The following STX11 variants were observed in gnomAD, a reference collection of about 807,000 sequenced individuals.
STX11 encodes the protein syntaxin-11.
Under a neutral mutation model 19.9 loss-of-function variants are expected in STX11, and 21 were observed. That is an observed-to-expected ratio of 1.06 (90% CI 0.75 to 1.52). STX11 has a LOEUF of 1.52. Among genes scored for constraint, STX11 ranks in the 40% most tolerant of loss-of-function variants. The pLI is 0.00. For missense variants in STX11, 438 were observed against 405.9 expected, an observed-to-expected ratio of 1.08 and a Z score of -0.68; for synonymous variants, 193 against 174.4, an observed-to-expected ratio of 1.11 and a Z score of -0.84.
Position 144,175,636 on chromosome 6 carries a change from A to G in STX11, c.-5-10987A>G, listed in dbSNP as rs530287576. 1.3e-5 allele frequency among the ~76,000 whole-genome samples: 2 copies of G among 152,312 alleles called. No homozygotes were observed. The highest frequency in any genetic ancestry group is 2.1e-4 in the South Asian group (1 of 4,830). On this transcript the variant is annotated intron_variant, in intron 1 of 1. Coordinates refer to ENST00000367568, the MANE Select transcript of STX11 (RefSeq NM_003764.4). The surrounding 1 kb of genome is among the most constrained non-coding windows in gnomAD (Gnocchi z 5.1). The stretch of plus-strand genomic sequence containing the variant: ...TAACACTCTTTTAATCATTATTTGT[A>G]TGTGAATACAATGAGCCTCTCTTTC...
intron 1 of STX11, among the ~76,000 whole-genome samples, chr6:144,179,411 T>C (rs1801851554): frequency 1.3e-5 from 2 of 152,176 alleles, no homozygotes; most frequent in Non-Finnish European, 2.9e-5. Context: ...TTGAGTGAAA[T>C]TATTGTTTAT....
chr6:144,150,015 T>C (rs886181107), upstream of STX11, among the ~76,000 whole-genome samples: 4 of 145,968 alleles, frequency 2.7e-5, no homozygotes, highest in Non-Finnish European at 5.9e-5. Context: ...TGGAGAGAGG[T>C]TGGTCGGCAG....
chr6:144,146,158 G>A (rs1208959195), upstream of STX11, among the ~76,000 whole-genome samples: 3 of 152,180 alleles, frequency 2.0e-5, no homozygotes, highest in Non-Finnish European at 2.9e-5. The surrounding 1 kb of genome is among the most constrained non-coding windows in gnomAD (Gnocchi z 4.4). Flanking sequence ...TTCCAACCCT[G>A]GGATTCAATG....
At chr6:144,149,849 A>C (rs535772872), upstream of STX11, among the ~76,000 whole-genome samples, 3 of 152,252 alleles carry the variant, frequency 2.0e-5, no homozygotes, top group South Asian at 4.1e-4. This position sits in a 1 kb window ranked among gnomAD's most constrained non-coding sequence, Gnocchi z 5.1. Context: ...CTTTACCACC[A>C]CCTGGCACAA....
chr6:144,181,953 AGTTG>A (rs1481394498), intron 1 of STX11, among the ~76,000 whole-genome samples: 1 of 152,228 alleles, frequency 6.6e-6, no homozygotes, highest in Non-Finnish European at 1.5e-5. Flanking sequence ...GATTTTTGGT[AGTTG>A]GTTGTCAATT....
At chr6:144,173,511 A>G (rs1450900896) in intron 1 of STX11, among the ~76,000 whole-genome samples, 3 of 152,170 alleles carry the variant, frequency 2.0e-5, no homozygotes, top group Admixed American at 2.0e-4. Context: ...TTATTTTCCT[A>G]TCTTGTGAGT....
chr6:144,152,378 G>A lies in STX11; in HGVS notation c.-6+1675G>A, dbSNP rs1159194609. Among the ~76,000 whole-genome samples, 1 of 152,178 alleles carries A rather than the reference G, an allele frequency of 6.6e-6. No individual in the cohort carries two copies. Among genetic ancestry groups the A allele is most frequent in the Non-Finnish European group, 1.5e-5 (1 of 68,028 alleles). On this transcript the variant is annotated intron_variant, in intron 1 of 1. Coordinates refer to ENST00000367568, the MANE Select transcript of STX11 (RefSeq NM_003764.4). The surrounding 1 kb of genome is among the most constrained non-coding windows in gnomAD (Gnocchi z 4.9). ...ATTTGGAATGGACTGGGTCATGGCT[G>A]GAAGAGCAAGGAAACTTTTGAGTTT... is the stretch of plus-strand genomic sequence containing the variant.
intron 1 of STX11, among the ~76,000 whole-genome samples, chr6:144,161,901 CTT>C (rs1029369894): frequency 6.6e-6 from 1 of 152,128 alleles, no homozygotes; most frequent in African/African-American, 2.4e-5. Flanking sequence ...TTTTTCAACT[CTT>C]TTTTCTTTCT....
At position 144,187,235 on chromosome 6, in the gene STX11, C is replaced by G. The variant is rs753170513; in HGVS notation, c.608C>G (p.Ala203Gly). The part of the protein sequence containing the change: ...LLADVKGARA[A>G]LNEIESRHRE... ...GCCGACGTGAAGGGCGCGCGGGCCG[C>G]CCTCAACGAGATCGAGAGCCGCCAC... Residue 203 changes from alanine to glycine, a missense_variant, in exon 2 of 2, where the codon GCC (alanine) becomes GGC (glycine). Coordinates refer to ENST00000367568, the MANE Select transcript of STX11 (RefSeq NM_003764.4). This position sits in a 1 kb window ranked among gnomAD's most constrained non-coding sequence, Gnocchi z 5.6. The G allele has an allele frequency of 1.9e-6, 3 of 1,613,876 alleles. No homozygotes were observed. The highest frequency in any genetic ancestry group is 2.5e-6 in the Non-Finnish European group (3 of 1,179,982).
Position 144,183,529 on chromosome 6 carries a change from A to G in STX11, c.-5-3094A>G, listed in dbSNP as rs1801957558. Reference sequence around the variant, plus strand: ...CTAAACTGACTTCCAGAAAGATTCTATCAATTACCAATTTTTTAAAATAAT... The same window carrying G: ...CTAAACTGACTTCCAGAAAGATTCTGTCAATTACCAATTTTTTAAAATAAT... On this transcript the variant is annotated intron_variant, in intron 1 of 1. Coordinates refer to ENST00000367568, the MANE Select transcript of STX11 (RefSeq NM_003764.4). The surrounding 1 kb of genome is among the most constrained non-coding windows in gnomAD (Gnocchi z 4.6). Among the ~76,000 whole-genome samples the G allele has an allele frequency of 6.6e-6, 1 of 152,230 alleles. No homozygotes were observed.
Position 144,156,002 on chromosome 6 carries a change from CTTT to C in STX11, c.-6+5300_-6+5302del, listed in dbSNP as rs1562655525. On this transcript the variant is annotated intron_variant, in intron 1 of 1. Transcript: ENST00000367568. Reference sequence around the variant, plus strand: ...TCTTTCTTTCTTTCTTTCTTTCTTTCTTTCTTTCTTTCTCTCTTTCTCTCCTTC... The same window carrying C: ...TCTTTCTTTCTTTCTTTCTTTCTTTCCTTTCTTTCTCTCTTTCTCTCCTTC... Among the ~76,000 whole-genome samples the C allele has an allele frequency of 1.3e-3, 162 of 127,450 alleles. 8 individuals carry two copies. The highest frequency in any genetic ancestry group is 6.1e-3 in the African/African-American group (150 of 24,598). The allele number at this position is 127,450 out of a possible 152,430, so 83.6% of individuals were successfully genotyped here.
In STX11 at chr6:144,183,897, G is replaced by A. The variant is rs1169321059; in HGVS notation, c.-5-2726G>A. ...GCTCTCCCCTCCCCCGCACTTCCCCGACAGGCCCCACTGTGCATTATTCCC... is the reference window on the plus strand; with the variant it reads ...GCTCTCCCCTCCCCCGCACTTCCCCAACAGGCCCCACTGTGCATTATTCCC... On this transcript the variant is annotated intron_variant, in intron 1 of 1. Coordinates refer to ENST00000367568, the MANE Select transcript of STX11 (RefSeq NM_003764.4). This position sits in a 1 kb window ranked among gnomAD's most constrained non-coding sequence, Gnocchi z 4.6. 1.3e-5 allele frequency among the ~76,000 whole-genome samples: 2 copies of A among 151,732 alleles called. No individual in the cohort carries two copies. The highest frequency in any genetic ancestry group is 2.4e-5 in the African/African-American group (1 of 41,276).
the STX11 span, among the ~76,000 whole-genome samples, chr6:144,144,438 T>C: frequency 6.6e-6 from 1 of 152,210 alleles, no homozygotes; most frequent in Non-Finnish European, 1.5e-5. Context: ...TAAACTTAAA[T>C]TTAAAGCCGG....
At chr6:144,173,068 C>A (rs1801683157) in intron 1 of STX11, among the ~76,000 whole-genome samples, 1 of 152,134 alleles carries the variant, frequency 6.6e-6, no homozygotes, top group Admixed American at 6.6e-5. Flanking sequence ...TTGGCTCTAC[C>A]CTCTGAAACT....
In STX11 at chr6:144,153,280, A is replaced by C. The variant is rs995553332; in HGVS notation, c.-6+2577A>C. On this transcript the variant is annotated intron_variant, in intron 1 of 1. Coordinates refer to ENST00000367568, the MANE Select transcript of STX11 (RefSeq NM_003764.4). The surrounding 1 kb of genome is among the most constrained non-coding windows in gnomAD (Gnocchi z 5.0). ...GAAAGGGTCGAGTTTGTCATTCAGCATTGTACTCCCTGAACTTGGCCCAGG... is the reference window on the plus strand; with the variant it reads ...GAAAGGGTCGAGTTTGTCATTCAGCCTTGTACTCCCTGAACTTGGCCCAGG... Among the ~76,000 whole-genome samples the C allele has an allele frequency of 6.6e-6, 1 of 152,222 alleles. No homozygotes were observed. The highest frequency in any genetic ancestry group is 2.1e-4 in the South Asian group (1 of 4,836).
Position 144,153,341 on chromosome 6 carries a change from A to G in STX11, c.-6+2638A>G, listed in dbSNP as rs1801053766. On this transcript the variant is annotated intron_variant, in intron 1 of 1. Coordinates refer to ENST00000367568, the MANE Select transcript of STX11 (RefSeq NM_003764.4). The surrounding 1 kb of genome is among the most constrained non-coding windows in gnomAD (Gnocchi z 5.0). ...GATAAGTGTTAGAAAGTGTTTATTG[A>G]TGGAATAATGAACCTTCACGTAGGA... is the stretch of plus-strand genomic sequence containing the variant. Among the ~76,000 whole-genome samples the G allele has an allele frequency of 6.6e-6, 1 of 152,174 alleles. No homozygotes were observed. The highest frequency in any genetic ancestry group is 6.5e-5 in the Admixed American group (1 of 15,270).
chr6:144,144,246 T>C, the STX11 span, among the ~76,000 whole-genome samples: 1 of 152,254 alleles, frequency 6.6e-6, no homozygotes, highest in Non-Finnish European at 1.5e-5. Flanking sequence ...GACAAAGCTT[T>C]AACTAGTTTT....
chr6:144,189,797 C>A lies in STX11; in HGVS notation c.*2306C>A, dbSNP rs1802168419. Among the ~76,000 whole-genome samples the A allele has an allele frequency of 6.6e-6, 1 of 152,260 alleles. No homozygotes were observed. The highest frequency in any genetic ancestry group is 3.4e-3 in the Middle Eastern group (1 of 294). On this transcript the variant is annotated 3_prime_UTR_variant, in exon 2 of 2. Transcript: ENST00000367568. ...GCTATTCTCATATTTCTCCCAATTT[C>A]TTTTTCAGCCAACTCCAAGGATATG...
chr6:144,186,711 G>A lies in STX11; in HGVS notation c.84G>A (p.Ser28=), dbSNP rs2128756746. Residue 28 remains serine, a synonymous_variant, in exon 2 of 2, where the codon TCG becomes TCA. Transcript: ENST00000367568. ...CAGACGGGGACGATGAGTTTGACTC[G>A]CCCCACGAGGACATCGTGTTCGAGA... is the stretch of plus-strand genomic sequence containing the variant. ...QFPDGDDEFD[S]PHEDIVFETD... is the part of the protein sequence containing the mutation. The A allele has an allele frequency of 6.2e-7, 1 of 1,614,108 alleles. No homozygotes were observed. Among genetic ancestry groups the A allele is most frequent in the Non-Finnish European group, 8.5e-7 (1 of 1,180,044 alleles).
Sources: allele counts gnomAD v4.1 joint callset (sites outside exome capture counted in the v4.1 genomes callset), GRCh38; gene constraint gnomAD v4.1.1; non-coding constraint Gnocchi (gnomAD v3.1); transcripts MANE v1.5; gene names NCBI Gene and HGNC (gene_info 2026-07-23, HGNC 2026-07-21).